Variants in TP73 observed in about 807,000 individuals in gnomAD.
TP73 encodes the protein p53-like transcription factor.
A neutral mutation model predicts 62.5 loss-of-function variants in TP73; 25 were observed. The observed-to-expected ratio is 0.40, with a 90% CI of 0.29 to 0.56. The LOEUF (loss-of-function observed/expected upper bound fraction) is 0.56. Among genes scored for constraint, TP73 ranks in the 20% least tolerant of loss-of-function variants. The pLI, the probability that TP73 is intolerant of heterozygous loss-of-function variation, is 0.46. For synonymous variants in TP73, 423 were observed against 377.5 expected, an observed-to-expected ratio of 1.12 and a Z score of -1.40; for missense variants, 754 against 913.3, an observed-to-expected ratio of 0.83 and a Z score of 2.25.
chr1:3,689,004 G>T (rs571295222), intron 3 of TP73, among the ~76,000 whole-genome samples: 29 of 152,300 alleles, frequency 1.9e-4, no homozygotes, highest in Admixed American at 1.6e-3. Flanking sequence ...GCCTACAGAG[G>T]CTGAGGATGT....
rs552821344 is a variant in TP73 at position 3,733,387 on chromosome 1, G to A, written c.*308G>A. On this transcript the variant is annotated 3_prime_UTR_variant, in exon 14 of 14. Transcript: ENST00000378295. ...GGCGTGCTCCATGGCAGGCGTGGGTGGGGACCGCAGCGTCGGCTCCGACTT... is the reference window on the plus strand; with the variant it reads ...GGCGTGCTCCATGGCAGGCGTGGGTAGGGACCGCAGCGTCGGCTCCGACTT... The A allele has an allele frequency of 5.4e-5, 24 of 445,976 alleles. No individual in the cohort carries two copies. 27.6% of individuals were successfully genotyped at this position (445,976 alleles called of 1,614,324 possible).
chr1:3,690,981 G>A, intron 3 of TP73: 1 of 1,562,644 alleles, frequency 6.4e-7, no homozygotes, highest in Non-Finnish European at 8.7e-7. Flanking sequence ...TCTCTTCGGG[G>A]ACTTTGCGGG....
chr1:3,707,415 A>C, intron 3 of TP73, 134 bp from the exon 4 acceptor site: 2 of 1,270,564 alleles, frequency 1.6e-6, no homozygotes, highest in South Asian at 1.4e-5. Context: ...GGGATGGGGG[A>C]GAGACCCGGG....
At position 3,672,762 on chromosome 1, in the gene TP73, G is replaced by C. The variant is rs930215761; in HGVS notation, c.-33-9571G>C. On this transcript the variant is annotated intron_variant, in intron 1 of 13. Coordinates refer to ENST00000378295, the MANE Select transcript of TP73 (RefSeq NM_005427.4). The surrounding 1 kb of genome is among the most constrained non-coding windows in gnomAD (Gnocchi z 5.3). The stretch of plus-strand genomic sequence containing the variant: ...AAACATCACCAAGCTCAGCGCCCCA[G>C]TTCCCTGACAGGGCCCCACTTCCCT... Among the ~76,000 whole-genome samples the C allele has an allele frequency of 2.1e-4, 32 of 152,186 alleles. 1 individual carries two copies. The highest frequency in any genetic ancestry group is 2.0e-3 in the Admixed American group (30 of 15,282).
At chr1:3,665,585 G>T (rs769838101) in intron 1 of TP73, among the ~76,000 whole-genome samples, 1 of 151,948 alleles carries the variant, frequency 6.6e-6, no homozygotes, top group Non-Finnish European at 1.5e-5. Flanking sequence ...TATGAGTGGG[G>T]TGCATGGAAA....
chr1:3,700,436 C>T (rs894008354), intron 3 of TP73, among the ~76,000 whole-genome samples: 2 of 150,858 alleles, frequency 1.3e-5, no homozygotes, highest in South Asian at 4.2e-4. Context: ...CTGTGGATAC[C>T]GGGAAGCGAG....
intron 3 of TP73, among the ~76,000 whole-genome samples, chr1:3,689,761 C>G (rs1202039720): frequency 6.6e-6 from 1 of 152,114 alleles, no homozygotes; most frequent in African/African-American, 2.4e-5. Context: ...TCTCAGCTCC[C>G]CATGGATTTC....
intron 3 of TP73, among the ~76,000 whole-genome samples, chr1:3,686,081 C>T (rs1028093345): frequency 2.0e-5 from 3 of 152,222 alleles, no homozygotes; most frequent in Non-Finnish European, 4.4e-5. Flanking sequence ...CTGCCCCTGG[C>T]GGCTCCCTCT....
intron 12 of TP73, among the ~76,000 whole-genome samples, 174 bp from the exon 13 acceptor site, chr1:3,731,289 C>A (rs892004036): frequency 1.3e-5 from 2 of 152,220 alleles, no homozygotes; most frequent in African/African-American, 4.8e-5. Context: ...ACTGACCTGT[C>A]CCCAGCTGAG....
intron 1 of TP73, among the ~76,000 whole-genome samples, chr1:3,676,287 G>A (rs1225425888): frequency 6.9e-6 from 1 of 144,288 alleles, no homozygotes; most frequent in Non-Finnish European, 1.5e-5. Flanking sequence ...GGGGACAAGG[G>A]ACAGGGAGGG....
chr1:3,685,083 C>G (rs1210881998), intron 3 of TP73, among the ~76,000 whole-genome samples: 2 of 152,138 alleles, frequency 1.3e-5, no homozygotes, highest in Non-Finnish European at 2.9e-5. Flanking sequence ...ATAAGATTGT[C>G]CCCTGAGATC....
chr1:3,683,453 G>A (rs1645572442), intron 3 of TP73, among the ~76,000 whole-genome samples: 1 of 152,108 alleles, frequency 6.6e-6, no homozygotes, highest in African/African-American at 2.4e-5. Flanking sequence ...AGGGCTTCAG[G>A]CACAGCTAGA....
In TP73 at chr1:3,663,566, A is replaced by T. The variant is rs991549316; in HGVS notation, c.-34+10925A>T. ...CCATCTCTACTAAAAAATACAAAAAATTAGCCAGGCGTGGTGGCGGGCGCC... is the reference window on the plus strand; with the variant it reads ...CCATCTCTACTAAAAAATACAAAAATTTAGCCAGGCGTGGTGGCGGGCGCC... On this transcript the variant is annotated intron_variant, in intron 1 of 13. Coordinates refer to ENST00000378295, the MANE Select transcript of TP73 (RefSeq NM_005427.4). The surrounding 1 kb of genome is among the most constrained non-coding windows in gnomAD (Gnocchi z 4.7). Among the ~76,000 whole-genome samples the T allele has an allele frequency of 3.3e-5, 5 of 151,980 alleles. No homozygotes were observed. Among genetic ancestry groups the T allele is most frequent in the Non-Finnish European group, 2.9e-5 (2 of 67,994 alleles).
rs116174056 is a variant in TP73, at chr1:3,732,857, T to G, written c.1689T>G (p.Ser563=). The part of the protein sequence containing the change: ...DYSTAQQLLR[S]SNAATISIGG... ...GCACCGCGCAGCAGCTGCTCCGCTC[T>G]AGCAACGCGGCCACCATCTCCATCG... The change falls in exon 14 of 14, where the codon TCT becomes TCG. Residue 563 remains serine, a synonymous_variant. Transcript: ENST00000378295. 1.2e-6 allele frequency: 2 copies of G among 1,612,080 alleles called. No individual in the cohort carries two copies. Among genetic ancestry groups the G allele is most frequent in the South Asian group, 2.2e-5 (2 of 91,018 alleles).
intron 1 of TP73, chr1:3,668,515 C>CATGT (rs3220997): frequency 6.7e-6 from 1 of 148,724 alleles, no homozygotes; most frequent in African/African-American, 2.5e-5. Context: ...ACTTGCTGCA[C>CATGT]GTGTGTGTGT....
intron 3 of TP73, among the ~76,000 whole-genome samples, chr1:3,693,498 T>G (rs1335692673): frequency 6.6e-6 from 1 of 152,148 alleles, no homozygotes; most frequent in Non-Finnish European, 1.5e-5. Context: ...GGGGTCTGTC[T>G]CTCTGGCATC....
At chr1:3,695,482 T>G (rs1638559106) in intron 3 of TP73, among the ~76,000 whole-genome samples, 1 of 152,156 alleles carries the variant, frequency 6.6e-6, no homozygotes, top group Admixed American at 6.5e-5. Context: ...ACCCTGCCCC[T>G]CCGCATGGTG....
At chr1:3,686,800 C>T (rs1033131200) in intron 3 of TP73, among the ~76,000 whole-genome samples, 1 of 152,186 alleles carries the variant, frequency 6.6e-6, no homozygotes, top group Non-Finnish European at 1.5e-5. Flanking sequence ...GGACCTACCC[C>T]TTCCCTTCTG....
At chr1:3,726,995 G>C (rs765905574) in intron 6 of TP73, 120 bp from the exon 7 acceptor site, 1 of 741,154 alleles carries the variant, frequency 1.3e-6, no homozygotes, top group African/African-American at 1.8e-5. Context: ...AACAACTATA[G>C]AGCAGGGCAT....
Sources: gnomAD v4.1 joint callset for allele counts (sites outside exome capture counted in the v4.1 genomes callset) on GRCh38, gnomAD v4.1.1 for gene constraint, Gnocchi (gnomAD v3.1) non-coding constraint, MANE v1.5 for transcripts, NCBI Gene and HGNC (gene_info 2026-07-23, HGNC 2026-07-21) for gene names.